MAP4K5: variants seen among roughly 807,000 people sequenced by gnomAD.
MAP4K5 encodes the protein MAPK/ERK kinase kinase kinase 5.
In MAP4K5, 82 loss-of-function variants were observed where a neutral mutation model predicts 135.6. The observed-to-expected ratio is 0.60, with a 90% confidence interval of 0.51 to 0.73. MAP4K5 has a LOEUF of 0.73. MAP4K5 is among the 30% of genes least tolerant of loss of function. MAP4K5 has a pLI of 0.00. For synonymous variants in MAP4K5, 347 were observed against 335.0 expected, an observed-to-expected ratio of 1.04 and a Z score of -0.39; for missense variants, 907 against 1,010.9, an observed-to-expected ratio of 0.90 and a Z score of 1.39.
chr14:50,504,638 G>C (rs1334844905), intron 3 of MAP4K5, among the ~76,000 whole-genome samples, 162 bp downstream of exon 3: 1 of 152,082 alleles, frequency 6.6e-6, no homozygotes, highest in African/African-American at 2.4e-5. Flanking sequence ...CAACAAAACT[G>C]TCACATCAAA....
intron 6 of MAP4K5, 82 bp from the exon 7 acceptor site, chr14:50,476,388 T>C: frequency 3.1e-6 from 2 of 646,110 alleles, no homozygotes; most frequent in South Asian, 6.1e-5. Context: ...AAATTCTTAT[T>C]GAATAAGAAA....
intron 13 of MAP4K5, among the ~76,000 whole-genome samples, chr14:50,458,308 C>T (rs1318673267): frequency 6.6e-6 from 1 of 152,050 alleles, no homozygotes; most frequent in Non-Finnish European, 1.5e-5. Context: ...TCCCTTGACT[C>T]TTCTATCTAT....
intron 2 of MAP4K5, among the ~76,000 whole-genome samples, chr14:50,511,692 C>T (rs2037933009): frequency 6.6e-6 from 1 of 151,974 alleles, no homozygotes; most frequent in Non-Finnish European, 1.5e-5. Context: ...GTACAACTGT[C>T]AATTTTTTTA....
At chr14:50,560,395 G>A (rs1416281529) in intron 1 of MAP4K5, 30 of 1,491,098 alleles carry the variant, frequency 2.0e-5, no homozygotes, top group South Asian at 2.4e-5. Context: ...GGGCTGCTAG[G>A]TGCCTGCGTC....
At chr14:50,501,526 G>T (rs1424234490) in intron 3 of MAP4K5, among the ~76,000 whole-genome samples, 1 of 151,750 alleles carries the variant, frequency 6.6e-6, no homozygotes, top group Non-Finnish European at 1.5e-5. Context: ...ATTAAAAAAA[G>T]AAAAATTCAG....
intron 2 of MAP4K5, among the ~76,000 whole-genome samples, chr14:50,529,928 C>T (rs2038350454): frequency 1.3e-5 from 2 of 152,096 alleles, no homozygotes; most frequent in African/African-American, 4.8e-5. Context: ...CTGTCTTGCC[C>T]AGGAGCATTT....
chr14:50,548,405 A>T (rs1004223584), intron 1 of MAP4K5, among the ~76,000 whole-genome samples: 3 of 152,228 alleles, frequency 2.0e-5, no homozygotes, highest in African/African-American at 7.2e-5. Context: ...TCCCACTGCC[A>T]CAGGATCCTT....
chr14:50,494,491 T>C (rs1439364368), intron 3 of MAP4K5, among the ~76,000 whole-genome samples: 3 of 152,090 alleles, frequency 2.0e-5, no homozygotes, highest in Non-Finnish European at 2.9e-5. Flanking sequence ...AAGATGTCAA[T>C]ACTACCCAAA....
At chr14:50,432,356 C>T (rs2035989073) in intron 28 of MAP4K5, among the ~76,000 whole-genome samples, 1 of 152,100 alleles carries the variant, frequency 6.6e-6, no homozygotes, top group Non-Finnish European at 1.5e-5. Flanking sequence ...TCACCTCTGC[C>T]TGAAGGTGAC....
chr14:50,428,834 T>A, intron 29 of MAP4K5, 80 bp from the exon 30 acceptor site: 1 of 731,356 alleles, frequency 1.4e-6, no homozygotes, highest in Admixed American at 3.1e-5. Flanking sequence ...GGATTTTACA[T>A]GGATATCAAA....
At chr14:50,514,819 G>A (rs964288420) in intron 2 of MAP4K5, among the ~76,000 whole-genome samples, 1 of 126,108 alleles carries the variant, frequency 7.9e-6, no homozygotes, top group South Asian at 3.1e-4. Flanking sequence ...AATGGTGAAA[G>A]TTAAGATTCC....
chr14:50,484,805 T>C (rs929417832), intron 5 of MAP4K5, among the ~76,000 whole-genome samples: 7 of 152,188 alleles, frequency 4.6e-5, no homozygotes, highest in African/African-American at 1.7e-4. Context: ...GTGGCTGCAT[T>C]TGTAAACTGC....
intron 1 of MAP4K5, among the ~76,000 whole-genome samples, chr14:50,548,702 G>A (rs1410885783): frequency 6.6e-6 from 1 of 152,030 alleles, no homozygotes; most frequent in Non-Finnish European, 1.5e-5. Flanking sequence ...AGTAGAGACA[G>A]GGTTTCACTG....
rs1649042974 is a variant in MAP4K5 at position 50,420,009 on chromosome 14, T to G, written c.*10A>C. ...TCATTTTCCTGTCATTTGAGATCAG[T>G]TTCTGTTGCTTAGTAACTATTTTCA... On this transcript the variant is annotated 3_prime_UTR_variant, in exon 33 of 33. Coordinates refer to ENST00000682126, the MANE Select transcript of MAP4K5 (RefSeq NM_006575.6). The G allele has an allele frequency of 1.9e-6, 3 of 1,581,814 alleles. No homozygotes were observed. Among genetic ancestry groups the G allele is most frequent in the Non-Finnish European group, 2.6e-6 (3 of 1,155,982 alleles).
chr14:50,558,409 C>A (rs1273074749), intron 1 of MAP4K5, among the ~76,000 whole-genome samples: 2 of 152,116 alleles, frequency 1.3e-5, no homozygotes, highest in Admixed American at 1.3e-4. Context: ...TTTAAAAAAT[C>A]ACTAATATGA....
Position 50,419,197 on chromosome 14 carries a change from T to A in MAP4K5, c.*822A>T, listed in dbSNP as rs2035669436. 1.3e-5 allele frequency: 2 copies of A among 152,178 alleles called. No individual in the cohort carries two copies. The highest frequency in any genetic ancestry group is 4.8e-5 in the African/African-American group (2 of 41,460). 9.4% of individuals were successfully genotyped at this position (152,178 alleles called of 1,614,324 possible). A position where few individuals can be genotyped will look rare whatever the true frequency, so the allele number is the denominator to read the frequency against. On this transcript the variant is annotated 3_prime_UTR_variant, in exon 33 of 33. Transcript: ENST00000682126. ...ATGTAAAGAAAAATCACAGGTATTT[T>A]ATACTGCTTGTCAAGAATACATACA... is the stretch of plus-strand genomic sequence containing the variant.
At chr14:50,509,222 G>C (rs915613515) in intron 2 of MAP4K5, among the ~76,000 whole-genome samples, 13 of 151,482 alleles carry the variant, frequency 8.6e-5, no homozygotes, top group African/African-American at 3.2e-4. Flanking sequence ...TCACACACAG[G>C]GGCCTGTCAT....
intron 6 of MAP4K5, among the ~76,000 whole-genome samples, chr14:50,477,086 C>T (rs532289052): frequency 1.6e-4 from 24 of 152,312 alleles, no homozygotes; most frequent in Admixed American, 7.8e-4. Context: ...GAATTATCAT[C>T]TCAACAGTAT....
intron 21 of MAP4K5, 87 bp from the exon 22 acceptor site, chr14:50,440,528 C>G (rs1462515620): frequency 4.7e-6 from 3 of 638,442 alleles, no homozygotes; most frequent in Non-Finnish European, 8.1e-6. Context: ...GTAATGGCAT[C>G]AAGAATTAGC....
Sources: gnomAD v4.1 joint callset for allele counts (sites outside exome capture counted in the v4.1 genomes callset) on GRCh38, gnomAD v4.1.1 for gene constraint, MANE v1.5 for transcripts, NCBI Gene and HGNC (gene_info 2026-07-23, HGNC 2026-07-21) for gene names.